Variants in ZNRF1 observed in about 807,000 individuals in gnomAD.
ZNRF1 encodes the protein zinc and ring finger 1.
ZNRF1 carries 3 observed loss-of-function variants against 18.4 expected under a neutral mutation model. That is an observed-to-expected ratio of 0.16 (90% CI 0.07 to 0.42). ZNRF1 has a LOEUF of 0.42. ZNRF1 is among the 10% of genes least tolerant of loss of function. The pLI, the probability that ZNRF1 is intolerant of heterozygous loss-of-function variation, is 0.99. For missense variants in ZNRF1, 310 were observed against 329.8 expected (o/e 0.94, Z 0.47); for synonymous variants, 157 against 144.2 (o/e 1.09, Z -0.64).
chr16:75,047,985 T>C (rs762017638), intron 1 of ZNRF1, among the ~76,000 whole-genome samples: 5 of 151,746 alleles, frequency 3.3e-5, no homozygotes, highest in Admixed American at 6.6e-5. Flanking sequence ...AAGGTCTGGC[T>C]TTGTTGCCTA....
chr16:75,040,309 C>T (rs948917416), intron 1 of ZNRF1, among the ~76,000 whole-genome samples: 1 of 151,878 alleles, frequency 6.6e-6, no homozygotes, highest in Non-Finnish European at 1.5e-5. Context: ...GGCTGGAGTA[C>T]AGTAGTGAGA....
intron 1 of ZNRF1, among the ~76,000 whole-genome samples, chr16:75,023,866 A>C (rs370887570): frequency 1.2e-3 from 176 of 149,098 alleles, no homozygotes; most frequent in African/African-American, 4.2e-3. Context: ...TTCTTTTTTT[A>C]TTTTATTTTC....
chr16:75,025,117 G>A (rs1215538644), intron 1 of ZNRF1, among the ~76,000 whole-genome samples: 1 of 152,006 alleles, frequency 6.6e-6, no homozygotes, highest in Non-Finnish European at 1.5e-5. Context: ...GCCCAGGCTG[G>A]AGTGCAGTGG....
chr16:75,015,210 A>G (rs930119995), intron 1 of ZNRF1, among the ~76,000 whole-genome samples: 2 of 152,142 alleles, frequency 1.3e-5, no homozygotes, highest in Non-Finnish European at 1.5e-5. Flanking sequence ...GAAATATTTT[A>G]TTTACCTGAG....
intron 1 of ZNRF1, among the ~76,000 whole-genome samples, chr16:75,087,723 G>A (rs1218961166): frequency 1.3e-5 from 2 of 152,206 alleles, no homozygotes; most frequent in Non-Finnish European, 1.5e-5. Flanking sequence ...AGGAACCCGG[G>A]GTACGTTCCC....
chr16:75,095,923 C>T (rs1385297563), intron 2 of ZNRF1, among the ~76,000 whole-genome samples: 1 of 152,206 alleles, frequency 6.6e-6, no homozygotes, highest in African/African-American at 2.4e-5. Context: ...CCGGGCCCCC[C>T]TTAGAGGAAG....
chr16:75,058,750 T>C (rs1260985021), intron 1 of ZNRF1, among the ~76,000 whole-genome samples: 1 of 152,212 alleles, frequency 6.6e-6, no homozygotes, highest in Non-Finnish European at 1.5e-5. Context: ...GGTACTCATC[T>C]TGCTCTGCTG....
intron 1 of ZNRF1, among the ~76,000 whole-genome samples, chr16:75,018,592 C>G (rs528075298): frequency 6.0e-4 from 92 of 152,142 alleles, no homozygotes; most frequent in Admixed American, 1.7e-3. Flanking sequence ...TCCTACTTTG[C>G]TAAATTATCA....
At chr16:75,064,483 G>A (rs926180353) in intron 1 of ZNRF1, among the ~76,000 whole-genome samples, 4 of 151,642 alleles carry the variant, frequency 2.6e-5, no homozygotes, top group African/African-American at 9.7e-5. Flanking sequence ...TTGAGCCCGG[G>A]GTGCAGAGGT....
At chr16:75,064,635 A>G (rs1226598527) in intron 1 of ZNRF1, among the ~76,000 whole-genome samples, 18 of 152,002 alleles carry the variant, frequency 1.2e-4, no homozygotes, top group Admixed American at 1.2e-3. Context: ...AATCTCCCAG[A>G]ACCTGCCTGG....
At chr16:75,018,165 A>G (rs2035095503) in intron 1 of ZNRF1, among the ~76,000 whole-genome samples, 1 of 152,232 alleles carries the variant, frequency 6.6e-6, no homozygotes, top group South Asian at 2.1e-4. Context: ...GTTAATATTT[A>G]ATGTCACTGG....
chr16:75,015,211 T>C (rs2035050753), intron 1 of ZNRF1, among the ~76,000 whole-genome samples: 1 of 152,248 alleles, frequency 6.6e-6, no homozygotes, highest in Non-Finnish European at 1.5e-5. Context: ...AAATATTTTA[T>C]TTACCTGAGG....
intron 1 of ZNRF1, among the ~76,000 whole-genome samples, chr16:75,075,459 G>T (rs1265309076): frequency 6.6e-6 from 1 of 152,228 alleles, no homozygotes; most frequent in Non-Finnish European, 1.5e-5. Flanking sequence ...CTTAACCCTC[G>T]CTGTGGTATG....
chr16:75,004,644 T>C (rs1000297919), intron 1 of ZNRF1, among the ~76,000 whole-genome samples: 4 of 152,192 alleles, frequency 2.6e-5, no homozygotes, highest in Non-Finnish European at 5.9e-5. Flanking sequence ...GACAGGGTCT[T>C]GCTCTGTTGC....
intron 1 of ZNRF1, among the ~76,000 whole-genome samples, chr16:75,041,503 T>C (rs2035446584): frequency 6.6e-6 from 1 of 151,900 alleles, no homozygotes; most frequent in African/African-American, 2.4e-5. Flanking sequence ...CTAATTTTTG[T>C]ATTTTTTGTT....
chr16:75,034,786 C>T (rs1341244933), intron 1 of ZNRF1, among the ~76,000 whole-genome samples: 1 of 150,756 alleles, frequency 6.6e-6, no homozygotes, highest in Admixed American at 6.6e-5. Flanking sequence ...ACCACTATAC[C>T]TGGCTAATTT....
chr16:75,086,721 G>T (rs548125193), intron 1 of ZNRF1, among the ~76,000 whole-genome samples: 3 of 152,276 alleles, frequency 2.0e-5, no homozygotes, highest in Non-Finnish European at 4.4e-5. Flanking sequence ...GAAAGATTGA[G>T]GCTGGAAACT....
intron 1 of ZNRF1, among the ~76,000 whole-genome samples, chr16:75,014,225 G>A (rs1411690830): frequency 1.3e-5 from 2 of 152,098 alleles, no homozygotes; most frequent in Non-Finnish European, 2.9e-5. Context: ...AACATTACAG[G>A]TATAATTGTA....
At chr16:75,021,564 TTTTA>T (rs2035148502) in intron 1 of ZNRF1, among the ~76,000 whole-genome samples, 1 of 152,230 alleles carries the variant, frequency 6.6e-6, no homozygotes, top group Admixed American at 6.5e-5. Context: ...CTAAAAGTGT[TTTTA>T]TTTGTCATAA....
Sources: gnomAD v4.1 joint callset for allele counts (sites outside exome capture counted in the v4.1 genomes callset) on GRCh38, gnomAD v4.1.1 for gene constraint, MANE v1.5 for transcripts, NCBI Gene and HGNC (gene_info 2026-07-23, HGNC 2026-07-21) for gene names.